IFT43: variants seen among roughly 807,000 people sequenced by gnomAD.
The protein encoded by IFT43 is intraflagellar transport protein 43 homolog.
Under a neutral mutation model 32.3 loss-of-function variants are expected in IFT43, and 33 were observed. The ratio of observed to expected loss-of-function variants is 1.02; its 90% CI spans 0.77 to 1.37. IFT43 has a LOEUF of 1.37. Ranked by LOEUF, IFT43 falls within the 40% of genes most tolerant of loss-of-function variation. The pLI is 0.00. For missense variants in IFT43, 274 were observed against 265.9 expected (o/e 1.03, Z -0.21); for synonymous variants, 93 against 98.2 (o/e 0.95, Z 0.31).
At chr14:75,998,012 C>T (rs558855146) in intron 2 of IFT43, among the ~76,000 whole-genome samples, 1 of 152,336 alleles carries the variant, frequency 6.6e-6, no homozygotes, top group African/African-American at 2.4e-5. Flanking sequence ...TCATCTGGGT[C>T]TTCTCTGCAT....
chr14:76,043,529 C>T (rs544626948), intron 3 of IFT43, among the ~76,000 whole-genome samples: 1 of 151,852 alleles, frequency 6.6e-6, no homozygotes, highest in South Asian at 2.1e-4. Context: ...TGCAGTGGTG[C>T]GATCTTGGCT....
intron 2 of IFT43, among the ~76,000 whole-genome samples, chr14:75,995,385 T>C (rs2035724481): frequency 6.6e-6 from 1 of 152,142 alleles, no homozygotes; most frequent in Non-Finnish European, 1.5e-5. Context: ...CCCTTATTCG[T>C]TCAGTGGTCT....
At position 76,058,622 on chromosome 14, in the gene IFT43, CT is replaced by C. The variant is rs1480877074; in HGVS notation, c.216-16del. The stretch of plus-strand genomic sequence containing the variant: ...ACTAGTGGGCTCTCAAAAACCTTGT[CT>C]TTTCTTTTTTTTTTTCAGGTTTAGG... On this transcript the variant is annotated intron_variant, in intron 3 of 8. Coordinates refer to ENST00000314067, the MANE Select transcript of IFT43 (RefSeq NM_001102564.3). 4.4e-6 allele frequency: 7 copies of C among 1,591,390 alleles called. No homozygotes were observed. Among genetic ancestry groups the C allele is most frequent in the Middle Eastern group, 1.7e-4 (1 of 6,044 alleles).
chr14:76,066,096 C>T (rs2037221142), intron 5 of IFT43, among the ~76,000 whole-genome samples: 1 of 152,228 alleles, frequency 6.6e-6, no homozygotes, highest in African/African-American at 2.4e-5. Flanking sequence ...TCTCCTTCCA[C>T]AGGTAGTTTG....
intron 5 of IFT43, among the ~76,000 whole-genome samples, chr14:76,061,410 C>G (rs2037132922): frequency 6.6e-6 from 1 of 152,096 alleles, no homozygotes; most frequent in Non-Finnish European, 1.5e-5. Context: ...GCCAATATTT[C>G]TTTAAATATA....
chr14:76,036,392 C>T (rs1421516179), intron 3 of IFT43, among the ~76,000 whole-genome samples: 6 of 145,668 alleles, frequency 4.1e-5, no homozygotes, highest in South Asian at 2.2e-4. Flanking sequence ...TTTGTTCTTT[C>T]GTTCTTTCTG....
intron 3 of IFT43, among the ~76,000 whole-genome samples, chr14:76,027,153 A>G (rs2036413428): frequency 6.6e-6 from 1 of 152,184 alleles, no homozygotes; most frequent in Non-Finnish European, 1.5e-5. Context: ...TGTCAGGGTG[A>G]TGAAATAATT....
chr14:76,022,759 C>T (rs990716634), intron 3 of IFT43: 13 of 165,668 alleles, frequency 7.8e-5, no homozygotes, highest in Admixed American at 3.7e-4. Context: ...ATTATGTGGT[C>T]CTTTATGGCT....
At chr14:76,022,529 A>G (rs574196002) in intron 3 of IFT43, 135 bp downstream of exon 3, 2 of 619,922 alleles carry the variant, frequency 3.2e-6, no homozygotes, top group Non-Finnish European at 5.9e-6. Context: ...CCCACTTAAA[A>G]TGCACAATTT....
At chr14:75,997,407 A>C (rs2035768043) in intron 2 of IFT43, among the ~76,000 whole-genome samples, 1 of 152,276 alleles carries the variant, frequency 6.6e-6, no homozygotes, top group Admixed American at 6.5e-5. Context: ...AGAACTAAAC[A>C]GTGAGCTTTC....
intron 3 of IFT43, among the ~76,000 whole-genome samples, chr14:76,032,319 G>A (rs1312531056): frequency 1.3e-5 from 2 of 152,182 alleles, no homozygotes; most frequent in African/African-American, 4.8e-5. Context: ...GGCTCCCTCT[G>A]TGTTATCTCT....
At chr14:75,998,232 G>A (rs1251108966) in intron 2 of IFT43, among the ~76,000 whole-genome samples, 1 of 152,168 alleles carries the variant, frequency 6.6e-6, no homozygotes, top group East Asian at 1.9e-4. Context: ...GCACTTTGTA[G>A]GTCCTCAGTA....
intron 3 of IFT43, among the ~76,000 whole-genome samples, chr14:76,032,771 A>G (rs896681862): frequency 6.6e-6 from 1 of 152,192 alleles, no homozygotes; most frequent in African/African-American, 2.4e-5. Flanking sequence ...ACCTGTTGGG[A>G]TAAGAGCCTA....
intron 3 of IFT43, among the ~76,000 whole-genome samples, chr14:76,027,569 T>C (rs1024341156): frequency 1.8e-4 from 28 of 151,796 alleles, no homozygotes; most frequent in Admixed American, 1.1e-3. Flanking sequence ...ATTAGCTAGG[T>C]GTGGTGGCGG....
At chr14:76,048,214 T>A (rs1216230975) in intron 3 of IFT43, among the ~76,000 whole-genome samples, 4 of 152,252 alleles carry the variant, frequency 2.6e-5, no homozygotes, top group African/African-American at 9.6e-5. Context: ...AGAGTGAGTC[T>A]GTTAGAATAA....
At chr14:76,022,583 A>G (rs1326884964) in intron 3 of IFT43, 189 bp downstream of exon 3, 2 of 442,422 alleles carry the variant, frequency 4.5e-6, no homozygotes, top group Non-Finnish European at 8.2e-6. Context: ...CCATTAACAC[A>G]ATCAATTTTA....
chr14:76,014,539 A>G (rs1470429922), intron 2 of IFT43, among the ~76,000 whole-genome samples: 10 of 152,136 alleles, frequency 6.6e-5, no homozygotes, highest in Non-Finnish European at 4.4e-5. Flanking sequence ...AAATTTTGCT[A>G]CAGGAGAGTT....
chr14:76,029,041 C>T (rs1340751523), intron 3 of IFT43, among the ~76,000 whole-genome samples: 12 of 152,238 alleles, frequency 7.9e-5, no homozygotes, highest in Non-Finnish European at 1.5e-4. Context: ...GAGAAATCTC[C>T]AAACTGCTTT....
At chr14:76,061,791 AT>A (rs1049114985) in intron 5 of IFT43, among the ~76,000 whole-genome samples, 5 of 151,692 alleles carry the variant, frequency 3.3e-5, no homozygotes, top group African/African-American at 1.2e-4. Context: ...CGGAGTTCAG[AT>A]TTTTTTCAGA....
Sources: allele counts gnomAD v4.1 joint callset (sites outside exome capture counted in the v4.1 genomes callset), GRCh38; gene constraint gnomAD v4.1.1; transcripts MANE v1.5; gene names NCBI Gene and HGNC (gene_info 2026-07-23, HGNC 2026-07-21).